The following ZNF77 variants were observed in gnomAD, a reference collection of about 807,000 sequenced individuals.
ZNF77 encodes ZNFpT1.
A neutral mutation model predicts 13.5 loss-of-function variants in ZNF77; 15 were observed. The observed-to-expected ratio is 1.11, with a 90% CI of 0.74 to 1.71. The LOEUF (loss-of-function observed/expected upper bound fraction) is 1.71, where lower values mean the gene tolerates loss of function less well. ZNF77 is among the 40% of genes most tolerant of loss of function. The pLI is 0.00. For synonymous variants in ZNF77, 282 were observed against 250.0 expected, an observed-to-expected ratio of 1.13 and a Z score of -1.21; for missense variants, 717 against 676.4, an observed-to-expected ratio of 1.06 and a Z score of -0.67.
In ZNF77 at chr19:2,944,872, G is replaced by A. The variant is rs751936795; in HGVS notation, c.-32C>T. 6.6e-7 allele frequency: 1 copy of A among 1,523,206 alleles called. No homozygotes were observed. Among genetic ancestry groups the A allele is most frequent in the South Asian group, 1.2e-5 (1 of 82,392 alleles). The allele number at this position is 1,523,206 out of a possible 1,614,324, so 94.4% of individuals were successfully genotyped here. A position where few individuals can be genotyped will look rare whatever the true frequency, so the allele number is the denominator to read the frequency against. ...CCCGCTCCTGGGCTCTCCAGGGTTA[G>A]CGCCCCGCGGTCCAGCGACCGGCGC... On this transcript the variant is annotated 5_prime_UTR_variant, in exon 1 of 4. Coordinates refer to ENST00000314531, the MANE Select transcript of ZNF77 (RefSeq NM_021217.3).
At position 2,944,208 on chromosome 19, in the gene ZNF77, C is replaced by T. The variant is rs1377272722; in HGVS notation, c.3+630G>A. On this transcript the variant is annotated intron_variant, in intron 1 of 3. Coordinates refer to ENST00000314531, the MANE Select transcript of ZNF77 (RefSeq NM_021217.3). ...TGTCCCCCCAAACTTCCCTCAAGCC[C>T]CTGATCGCCTCTACTGCCCCCCTTA... Among the ~76,000 whole-genome samples, 85 of 149,080 alleles carry T rather than the reference C, an allele frequency of 5.7e-4. 2 individuals carry two copies. Among genetic ancestry groups the T allele is most frequent in the Non-Finnish European group, 7.0e-4 (47 of 67,298 alleles).
chr19:2,938,775 T>C (rs1217093415), intron 2 of ZNF77, among the ~76,000 whole-genome samples: 3 of 151,814 alleles, frequency 2.0e-5, no homozygotes, highest in Admixed American at 6.6e-5. Context: ...GCTAACACGG[T>C]GAAACCCCAT....
intron 2 of ZNF77, among the ~76,000 whole-genome samples, chr19:2,938,625 A>G (rs1377049657): frequency 6.6e-6 from 1 of 152,160 alleles, no homozygotes; most frequent in Non-Finnish European, 1.5e-5. Flanking sequence ...TCTCTTTTCC[A>G]ACATATTTCA....
chr19:2,933,561 G>C lies in ZNF77; in HGVS notation c.1566C>G (p.Cys522Trp). 1.2e-6 allele frequency: 2 copies of C among 1,611,746 alleles called. No individual in the cohort carries two copies. Among genetic ancestry groups the C allele is most frequent in the Non-Finnish European group, 1.7e-6 (2 of 1,178,212 alleles). Residue 522 changes from cysteine (C) to tryptophan (W), a missense_variant, in exon 4 of 4, where the codon TGC (cysteine) becomes TGG (tryptophan). Cys to Trp is a radical substitution (Grantham distance 215). Transcript: ENST00000314531. ...ACCTGAAGGTTTTCCCACACTGCTT[G>C]CATTCATACGGTCTCTCTCCAGTGT... ...RTHTGERPYE[C>W]KQCGKTFRYL...
rs139348832 is a variant in ZNF77 at position 2,944,253 on chromosome 19, A to G, written c.3+585T>C. On this transcript the variant is annotated intron_variant, in intron 1 of 3. Transcript: ENST00000314531. ...CCCTTAAAGTGCCCCTGAGCCCCTG[A>G]CTGCTTCTGCTGTCCCCTCGAGCTG... is the stretch of plus-strand genomic sequence containing the variant. 2.4e-3 allele frequency among the ~76,000 whole-genome samples: 259 copies of G among 110,194 alleles called. 4 individuals are homozygous for G. Among genetic ancestry groups the G allele is most frequent in the African/African-American group, 8.7e-3 (248 of 28,578 alleles). 72.3% of individuals were successfully genotyped at this position (110,194 alleles called of 152,430 possible).
chr19:2,934,716 G>C lies in ZNF77; in HGVS notation c.411C>G (p.Thr137=). ...ANLLVHKSYP[T]EAKPSECTKC... ...TAGTGCACTCAGAGGGTTTAGCTTC[G>C]GTAGGGTAACTCTTGTGCACAAGAA... The change falls in exon 4 of 4, where the codon ACC becomes ACG. Residue 137 remains threonine (T), a synonymous_variant. Coordinates refer to ENST00000314531, the MANE Select transcript of ZNF77 (RefSeq NM_021217.3). The C allele has an allele frequency of 6.2e-7, 1 of 1,614,102 alleles. No homozygotes were observed. The highest frequency in any genetic ancestry group is 8.5e-7 in the Non-Finnish European group (1 of 1,180,020).
intron 1 of ZNF77, among the ~76,000 whole-genome samples, chr19:2,942,210 T>C (rs2088454956): frequency 6.6e-6 from 1 of 151,490 alleles, no homozygotes; most frequent in African/African-American, 2.4e-5. Context: ...TAGCTGGGAT[T>C]GCAGGCACTT....
intron 1 of ZNF77, among the ~76,000 whole-genome samples, chr19:2,942,370 C>CTT (rs71179937): frequency 0.018 from 1,827 of 101,980 alleles, 90 homozygotes; most frequent in African/African-American, 0.05. Flanking sequence ...GCGCCCGGCT[C>CTT]TTTTTTTTTT....
chr19:2,933,630 T>A lies in ZNF77; in HGVS notation c.1497A>T (p.Lys499Asn). ...VKPYECTECGKAYSCSSSLRV... is the reference protein window; with the variant it reads ...VKPYECTECGNAYSCSSSLRV... ...GAAGGGACGAGGAACAACTGTAGGC[T>A]TTCCCACATTCAGTACATTCGTAGG... is the stretch of plus-strand genomic sequence containing the variant. Residue 499 changes from lysine (K) to asparagine (N), a missense_variant, in exon 4 of 4, where the codon AAA (lysine) becomes AAT (asparagine). Transcript: ENST00000314531. 1 of 1,613,992 alleles carries A rather than the reference T, an allele frequency of 6.2e-7. No homozygotes were observed. The highest frequency in any genetic ancestry group is 8.5e-7 in the Non-Finnish European group (1 of 1,179,882).
chr19:2,933,460 A>T lies in ZNF77; in HGVS notation c.*29T>A, dbSNP rs1212742438. 1.3e-6 allele frequency: 2 copies of T among 1,514,426 alleles called. No homozygotes were observed. Among genetic ancestry groups the T allele is most frequent in the South Asian group, 1.4e-5 (1 of 72,788 alleles). 93.8% of individuals were successfully genotyped at this position (1,514,426 alleles called of 1,614,324 possible). On this transcript the variant is annotated 3_prime_UTR_variant, in exon 4 of 4. Coordinates refer to ENST00000314531, the MANE Select transcript of ZNF77 (RefSeq NM_021217.3). ...TTACAACAAGGTTTTACGGTTGAAC[A>T]CTCTCCCAGGTCCACTGTATTCGTA...
intron 3 of ZNF77, among the ~76,000 whole-genome samples, chr19:2,935,446 T>A (rs2088388025): frequency 6.6e-6 from 1 of 150,722 alleles, no homozygotes; most frequent in Admixed American, 6.7e-5. Flanking sequence ...GCCTCCCAAG[T>A]GGCTGGGATT....
At position 2,934,243 on chromosome 19, in the gene ZNF77, G is replaced by A. The variant is rs141673139; in HGVS notation, c.884C>T (p.Pro295Leu). The change falls in exon 4 of 4, where the codon CCG (proline) becomes CTG (leucine). Residue 295 changes from proline to leucine, a missense_variant. Coordinates refer to ENST00000314531, the MANE Select transcript of ZNF77 (RefSeq NM_021217.3). Reference sequence around the variant, plus strand: ...TTTTCCACAATGCTTACATTCATACGGTTTCTCTCCAGTGTGTGTTCTGAC... The same window carrying A: ...TTTTCCACAATGCTTACATTCATACAGTTTCTCTCCAGTGTGTGTTCTGAC... ...EHVRTHTGEK[P>L]YECKHCGKSF... 8.2e-5 allele frequency: 132 copies of A among 1,613,972 alleles called. No homozygotes were observed. Among genetic ancestry groups the A allele is most frequent in the Admixed American group, 5.0e-4 (30 of 59,986 alleles).
rs142541120 is a variant in ZNF77 at position 2,941,174 on chromosome 19, C to CAAAA, written c.4-1771_4-1768dup. Among the ~76,000 whole-genome samples the CAAAA allele has an allele frequency of 8.9e-4, 55 of 61,500 alleles. 1 individual carries two copies. Among genetic ancestry groups the CAAAA allele is most frequent in the East Asian group, 8.2e-3 (18 of 2,192 alleles). The allele number at this position is 61,500 out of a possible 152,430, so 40.3% of individuals were successfully genotyped here. ...TGGGTGACAGAGAGACGCCCTACCT[C>CAAAA]AAAAAAAAAAAAAAAAAAAAAGGCT... On this transcript the variant is annotated intron_variant, in intron 1 of 3. Transcript: ENST00000314531.
Position 2,934,661 on chromosome 19 carries a change from T to G in ZNF77, c.466A>C (p.Arg156=). Residue 156 remains arginine, a synonymous_variant, in exon 4 of 4, where the codon AGA becomes CGA. Coordinates refer to ENST00000314531, the MANE Select transcript of ZNF77 (RefSeq NM_021217.3). ...CACGGTCTCTGTCCAGTGTGAGATC[T>G]CTGCCGATTCTCGAAGGCTTTGCCA... The part of the protein sequence containing the change: ...KCGKAFENRQ[R]SHTGQRPCKE... 6.2e-7 allele frequency: 1 copy of G among 1,614,112 alleles called. No individual in the cohort carries two copies. Among genetic ancestry groups the G allele is most frequent in the Non-Finnish European group, 8.5e-7 (1 of 1,180,018 alleles).
In ZNF77 at chr19:2,937,741, TTGTG is replaced by T. The variant is rs373322630; in HGVS notation, c.131-1041_131-1038del. ...CACCTCCTCCTCCTCAGAGAAGGGT[TTGTG>T]TTTCTTTTTTTTGTTTTGTTTTGTT... On this transcript the variant is annotated intron_variant, in intron 2 of 3. Transcript: ENST00000314531. 4.1e-3 allele frequency among the ~76,000 whole-genome samples: 306 copies of T among 74,996 alleles called. 2 individuals carry two copies. The highest frequency in any genetic ancestry group is 0.016 in the African/African-American group (296 of 18,370). The allele number at this position is 74,996 out of a possible 152,430, so 49.2% of individuals were successfully genotyped here. A position where few individuals can be genotyped will look rare whatever the true frequency, so the allele number is the denominator to read the frequency against.
rs565779390 is a variant in ZNF77, at chr19:2,934,364, G to A, written c.763C>T (p.Leu255Phe). The change falls in exon 4 of 4, where the codon CTT (leucine) becomes TTT (phenylalanine). Residue 255 changes from leucine (L) to phenylalanine (F), a missense_variant. Coordinates refer to ENST00000314531, the MANE Select transcript of ZNF77 (RefSeq NM_021217.3). ...GTGTGAGTTCTTACGTGCCGTGTAA[G>A]GTAGGAGTAATACATAAAGGTCTTC... ...CGKTFMYYSY[L>F]TRHVRTHTGE... 6.2e-7 allele frequency: 1 copy of A among 1,614,168 alleles called. No homozygotes were observed. Among genetic ancestry groups the A allele is most frequent in the South Asian group, 1.1e-5 (1 of 91,084 alleles).
chr19:2,934,154 G>C lies in ZNF77; in HGVS notation c.973C>G (p.Gln325Glu), dbSNP rs1327908311. Residue 325 changes from glutamine (Q) to glutamate (E), a missense_variant, in exon 4 of 4, where the codon CAG becomes GAG. Transcript: ENST00000314531. ...AACGCTTTTCCGCAATGTTTACACT[G>C]ACAGGGTTTCTCTCCAGTGTGCGTC... The part of the protein sequence containing the change: ...VRTHTGEKPC[Q>E]CKHCGKAFTC... 6.2e-7 allele frequency: 1 copy of C among 1,608,374 alleles called. No individual in the cohort carries two copies. The highest frequency in any genetic ancestry group is 8.5e-7 in the Non-Finnish European group (1 of 1,178,010).
At chr19:2,936,390 C>G (rs1173009193) in intron 3 of ZNF77, 134 bp downstream of exon 3, 2 of 904,462 alleles carry the variant, frequency 2.2e-6, no homozygotes, top group East Asian at 6.0e-5. Flanking sequence ...CTCAGGTGAT[C>G]CACCCGCCTC....
intron 1 of ZNF77, among the ~76,000 whole-genome samples, chr19:2,940,668 T>C (rs2088441036): frequency 8.9e-6 from 1 of 112,320 alleles, no homozygotes; most frequent in Admixed American, 1.1e-4. Context: ...TGAGTCTCCA[T>C]CACAAAAAAG....
Sources: allele counts gnomAD v4.1 joint callset (sites outside exome capture counted in the v4.1 genomes callset), GRCh38; gene constraint gnomAD v4.1.1; transcripts MANE v1.5; gene names NCBI Gene and HGNC (gene_info 2026-07-23, HGNC 2026-07-21).